Variants in CFHR5 observed in about 807,000 individuals in gnomAD.
CFHR5 encodes complement factor H-related protein 5.
Under a neutral mutation model 62.9 loss-of-function variants are expected in CFHR5, and 73 were observed. That is an observed-to-expected ratio of 1.16 (90% CI 0.96 to 1.41). The LOEUF (loss-of-function observed/expected upper bound fraction) is 1.41, where lower values mean the gene tolerates loss of function less well. CFHR5 is among the 40% of genes most tolerant of loss of function. The pLI is 0.00. For missense variants in CFHR5, 779 were observed against 679.9 expected (o/e 1.15, Z -1.62); for synonymous variants, 249 against 227.2 (o/e 1.10, Z -0.86).
chr1:196,983,846 G>C, intron 2 of CFHR5, 115 bp from the exon 3 acceptor site: 1 of 684,346 alleles, frequency 1.5e-6, no homozygotes, highest in South Asian at 2.0e-5. Flanking sequence ...AAATTCTTTT[G>C]AAAATATTTA....
At chr1:196,994,315 A>G in intron 4 of CFHR5, 59 bp downstream of exon 4, 1 of 1,323,658 alleles carries the variant, frequency 7.6e-7, no homozygotes, top group Non-Finnish European at 1.1e-6. Context: ...TAATGCCCAT[A>G]TATTTTTATT....
chr1:196,989,092 T>C (rs1040204605), intron 3 of CFHR5, among the ~76,000 whole-genome samples: 1 of 152,022 alleles, frequency 6.6e-6, no homozygotes, highest in Non-Finnish European at 1.5e-5. Flanking sequence ...CTTGGTTTAG[T>C]CTTGGGAGGA....
chr1:196,990,624 T>A (rs1353146124), intron 3 of CFHR5, among the ~76,000 whole-genome samples: 1 of 152,174 alleles, frequency 6.6e-6, no homozygotes, highest in Non-Finnish European at 1.5e-5. Flanking sequence ...TCTTCTTCAC[T>A]TATGAAGCTT....
At chr1:197,007,844 T>C (rs1654330550) in intron 9 of CFHR5, among the ~76,000 whole-genome samples, 1 of 147,572 alleles carries the variant, frequency 6.8e-6, no homozygotes, top group South Asian at 2.1e-4. Context: ...TATATATTTA[T>C]ACATTAGATA....
Position 196,998,160 on chromosome 1 carries a change from G to T in CFHR5, c.1003G>T (p.Gly335Ter). The change falls in exon 7 of 10, where the codon GGA becomes TGA. Residue 335 changes from glycine to a stop codon, truncating the protein, a stop_gained. Coordinates refer to ENST00000256785, the MANE Select transcript of CFHR5 (RefSeq NM_030787.4). LOFTEE classifies it high-confidence loss of function. ...CCAACTTAAGAGGTGCAAAATAGCA[G>T]GAGTTAATATAAAAACATTACTCAA... Reference protein sequence around the residue: ...THQLKRCKIAGVNIKTLLKLS... With the variant: ...THQLKRCKIA 1 of 1,573,684 alleles carries T rather than the reference G, an allele frequency of 6.4e-7. No homozygotes were observed. Among genetic ancestry groups the T allele is most frequent in the Non-Finnish European group, 8.6e-7 (1 of 1,156,862 alleles).
At chr1:196,986,505 G>A (rs889208137) in intron 3 of CFHR5, among the ~76,000 whole-genome samples, 3 of 151,948 alleles carry the variant, frequency 2.0e-5, no homozygotes, top group Admixed American at 6.6e-5. Context: ...TTTGCCTAAT[G>A]CTACCCCTCC....
At chr1:197,001,929 A>G (rs908823852) in intron 7 of CFHR5, among the ~76,000 whole-genome samples, 1 of 152,068 alleles carries the variant, frequency 6.6e-6, no homozygotes, top group Non-Finnish European at 1.5e-5. Flanking sequence ...TTCCCTAAGA[A>G]TAAGCCAAGC....
At chr1:196,995,666 T>G (rs1653968501) in intron 4 of CFHR5, 51 bp from the exon 5 acceptor site, 2 of 1,509,784 alleles carry the variant, frequency 1.3e-6, no homozygotes, top group Non-Finnish European at 1.8e-6. Flanking sequence ...CTCCACATTT[T>G]TCTATACTTA....
intron 9 of CFHR5, among the ~76,000 whole-genome samples, chr1:197,008,104 A>G (rs1282997211): frequency 6.6e-6 from 1 of 150,582 alleles, no homozygotes; most frequent in Non-Finnish European, 1.5e-5. Flanking sequence ...AAGGTTTCAC[A>G]AAGTTAAGAT....
rs555769371 is a variant in CFHR5 at position 196,995,649 on chromosome 1, T to A, written c.608-68T>A. 6 of 1,394,132 alleles carry A rather than the reference T, an allele frequency of 4.3e-6. 1 individual carries two copies. In the South Asian group the frequency reaches 5.9e-5, roughly 14 times the overall value. The allele number at this position is 1,394,132 out of a possible 1,614,324, so 86.4% of individuals were successfully genotyped here. On this transcript the variant is annotated intron_variant, in intron 4 of 9. Transcript: ENST00000256785. ...GGCAATTAATTTCTAAGTCAAAAAT[T>A]TAGTAACTCCACATTTTTCTATACT...
At chr1:196,987,269 T>TA (rs1558283956) in intron 3 of CFHR5, among the ~76,000 whole-genome samples, 11 of 152,178 alleles carry the variant, frequency 7.2e-5, no homozygotes, top group African/African-American at 2.7e-4. Context: ...CAGCCCTTTA[T>TA]CAGATGGGTA....
rs555221057 is a variant in CFHR5 at position 196,998,186 on chromosome 1, G to A, written c.1029G>A (p.Lys343=). The A allele has an allele frequency of 6.1e-5, 98 of 1,601,360 alleles. 1 individual carries two copies. The South Asian group carries it at 9.8e-4, about 16-fold the overall frequency. ...GAGTTAATATAAAAACATTACTCAA[G>A]CTATCTGGGAAAGAATTTAATCATA... The part of the protein sequence containing the change: ...IAGVNIKTLL[K]LSGKEFNHNS... Residue 343 remains lysine, a synonymous_variant, in exon 7 of 10, where the codon AAG becomes AAA. Coordinates refer to ENST00000256785, the MANE Select transcript of CFHR5 (RefSeq NM_030787.4).
Position 196,995,716 on chromosome 1 carries a change from G to A in CFHR5, c.608-1G>A. ...CATTATTTATGGTTTCTTTATAATAGGACAAGTACGATCATGTGGTCCACC... is the reference window on the plus strand; with the variant it reads ...CATTATTTATGGTTTCTTTATAATAAGACAAGTACGATCATGTGGTCCACC... On this transcript the variant is annotated splice_acceptor_variant, in intron 4 of 9. Transcript: ENST00000256785. LOFTEE classifies it high-confidence loss of function. 4 of 1,611,690 alleles carry A rather than the reference G, an allele frequency of 2.5e-6. No homozygotes were observed. The highest frequency in any genetic ancestry group is 3.4e-6 in the Non-Finnish European group (4 of 1,177,990).
chr1:196,995,748 A>T lies in CFHR5; in HGVS notation c.639A>T (p.Gln213His). Residue 213 changes from glutamine to histidine, a missense_variant, in exon 5 of 10, where the codon CAA becomes CAT. Coordinates refer to ENST00000256785, the MANE Select transcript of CFHR5 (RefSeq NM_030787.4). Reference sequence around the variant, plus strand: ...TACGATCATGTGGTCCACCTCCTCAACTCTCCAATGGTGAAGTTAAGGAGA... The same window carrying T: ...TACGATCATGTGGTCCACCTCCTCATCTCTCCAATGGTGAAGTTAAGGAGA... ...GQVRSCGPPP[Q>H]LSNGEVKEIR... is the part of the protein sequence containing the mutation. The T allele has an allele frequency of 6.2e-7, 1 of 1,613,382 alleles. No individual in the cohort carries two copies. The highest frequency in any genetic ancestry group is 2.2e-5 in the East Asian group (1 of 44,836).
rs922917540 is a variant in CFHR5, at chr1:197,004,743, G to T, written c.1413G>T (p.Gly471=). 2 of 1,613,110 alleles carry T rather than the reference G, an allele frequency of 1.2e-6. No individual in the cohort carries two copies. The highest frequency in any genetic ancestry group is 2.7e-5 in the African/African-American group (2 of 74,762). Residue 471 remains glycine (G), a synonymous_variant, in exon 9 of 10, where the codon GGG becomes GGT. Coordinates refer to ENST00000256785, the MANE Select transcript of CFHR5 (RefSeq NM_030787.4). ...TSFPLSVYPP[G]STVTYRCQSF... is the part of the protein sequence containing the mutation. ...TCCCATTATCAGTATATCCTCCAGG[G>T]TCAACAGTGACGTACCGTTGCCAGT... is the stretch of plus-strand genomic sequence containing the variant.
chr1:196,979,305 A>G (rs1463002292), intron 1 of CFHR5, among the ~76,000 whole-genome samples: 1 of 149,628 alleles, frequency 6.7e-6, no homozygotes, highest in African/African-American at 2.5e-5. Context: ...TACATCACTT[A>G]ATGATAGGAA....
chr1:196,991,641 T>TCA, intron 3 of CFHR5, among the ~76,000 whole-genome samples: 1 of 152,306 alleles, frequency 6.6e-6, no homozygotes, highest in East Asian at 1.9e-4. Flanking sequence ...GCAGGTCTGT[T>TCA]GGATTTTGCT....
Position 196,994,240 on chromosome 1 carries a change from C to T in CFHR5, c.591C>T (p.Asn197=), listed in dbSNP as rs778137947. Residue 197 remains asparagine (N), a synonymous_variant, in exon 4 of 10, where the codon AAC becomes AAT. Transcript: ENST00000256785. The stretch of plus-strand genomic sequence containing the variant: ...GTTACCAATTTGGGTGGTCACCTAA[C>T]TTTCCAACATGCAAAGGTCAGTATT... ...VQCYQFGWSP[N]FPTCKGQVRS... is the part of the protein sequence containing the mutation. 1 of 1,612,772 alleles carries T rather than the reference C, an allele frequency of 6.2e-7. No homozygotes were observed. The highest frequency in any genetic ancestry group is 1.3e-5 in the African/African-American group (1 of 74,984).
At chr1:197,006,267 C>A (rs1654284528) in intron 9 of CFHR5, among the ~76,000 whole-genome samples, 1 of 152,110 alleles carries the variant, frequency 6.6e-6, no homozygotes, top group East Asian at 1.9e-4. Context: ...TGAACAATAA[C>A]AAACACAAAC....
Sources: allele counts gnomAD v4.1 joint callset (sites outside exome capture counted in the v4.1 genomes callset), GRCh38; gene constraint gnomAD v4.1.1; transcripts MANE v1.5; gene names NCBI Gene and HGNC (gene_info 2026-07-23, HGNC 2026-07-21).